Variants in PAH observed in about 807,000 individuals in gnomAD.
PAH encodes the protein phenylalanine-4-hydroxylase.
Under a neutral mutation model 62.0 loss-of-function variants are expected in PAH, and 64 were observed. That is an observed-to-expected ratio of 1.03 (90% confidence interval 0.84 to 1.27). PAH has a LOEUF of 1.27. Ranked by LOEUF, PAH falls within the 50% of genes most tolerant of loss-of-function variation. The pLI is 0.00. For missense variants in PAH, 579 were observed against 542.8 expected (o/e 1.07, Z -0.66); for synonymous variants, 195 against 196.2 (o/e 0.99, Z 0.05).
chr12:102,877,295 C>T (rs1461400088), intron 4 of PAH, 167 bp downstream of exon 4: 9 of 687,636 alleles, frequency 1.3e-5, no homozygotes, highest in Middle Eastern at 2.7e-4. Context: ...ATGATGATGA[C>T]AATAAAGTCT....
intron 1 of PAH, among the ~76,000 whole-genome samples, chr12:102,942,007 G>A (rs1275191231): frequency 2.0e-5 from 3 of 151,996 alleles, no homozygotes; most frequent in Admixed American, 6.6e-5. Flanking sequence ...CTTGAGAACT[G>A]GAACAAGACA....
chr12:102,917,337 T>G, upstream of PAH: 1 of 606,010 alleles, frequency 1.7e-6, no homozygotes, highest in African/African-American at 1.8e-5. Context: ...GCCTGCCGGA[T>G]GCTCCAGGTC....
chr12:102,910,906 G>C (rs1878177979), intron 2 of PAH, among the ~76,000 whole-genome samples: 1 of 152,122 alleles, frequency 6.6e-6, no homozygotes, highest in Non-Finnish European at 1.5e-5. Flanking sequence ...TGACCAGGAG[G>C]CATGGGCTTT....
intron 8 of PAH, among the ~76,000 whole-genome samples, chr12:102,849,344 T>G (rs1172319267): frequency 6.6e-6 from 1 of 152,204 alleles, no homozygotes; most frequent in Non-Finnish European, 1.5e-5. Flanking sequence ...GGATAGGATG[T>G]TAGAGATGTC....
intron 1 of PAH, among the ~76,000 whole-genome samples, chr12:102,947,936 G>C (rs1498698): frequency 0.015 from 2,292 of 152,222 alleles, 73 homozygotes; most frequent in African/African-American, 0.051. Flanking sequence ...TCCAAGACAG[G>C]TAGAGAGAGT....
At chr12:102,857,628 G>C (rs186386472) in intron 5 of PAH, among the ~76,000 whole-genome samples, 1 of 152,118 alleles carries the variant, frequency 6.6e-6, no homozygotes, top group Admixed American at 6.6e-5. Context: ...CTGATCTCTC[G>C]GCAGAAACTC....
At position 102,859,360 on chromosome 12, in the gene PAH, A is replaced by T. The variant is rs147129482; in HGVS notation, c.510-4028T>A. ...GCCTACCCACCAAAAAAAGTACAGG[A>T]CCAGATGGATTCATAGCCGAATTCT... On this transcript the variant is annotated intron_variant, in intron 5 of 12. Transcript: ENST00000553106. Among the ~76,000 whole-genome samples the T allele has an allele frequency of 6.1e-3, 927 of 152,320 alleles. 8 individuals are homozygous for T. Among genetic ancestry groups the T allele is most frequent in the African/African-American group, 0.021 (857 of 41,562 alleles).
At chr12:102,937,656 T>C (rs1258717184) in intron 1 of PAH, among the ~76,000 whole-genome samples, 3 of 152,218 alleles carry the variant, frequency 2.0e-5, no homozygotes, top group Non-Finnish European at 4.4e-5. Context: ...GTTATTATTT[T>C]TTATTTACTC....
chr12:102,891,629 T>C (rs374627044), intron 3 of PAH, among the ~76,000 whole-genome samples: 3 of 152,218 alleles, frequency 2.0e-5, no homozygotes, highest in South Asian at 2.1e-4. Context: ...GCAGAGGCTC[T>C]TGTGACTCCC....
chr12:102,909,949 A>G (rs1878137031), intron 2 of PAH, among the ~76,000 whole-genome samples: 1 of 152,144 alleles, frequency 6.6e-6, no homozygotes, highest in African/African-American at 2.4e-5. Flanking sequence ...ACAGAGTAAG[A>G]CTCTGTCTCA....
intron 4 of PAH, among the ~76,000 whole-genome samples, chr12:102,874,038 T>G (rs1876465277): frequency 6.6e-6 from 1 of 152,222 alleles, no homozygotes. Flanking sequence ...TCTGATACTC[T>G]GTACCCAAAG....
intron 3 of PAH, among the ~76,000 whole-genome samples, chr12:102,886,948 C>T (rs61086146): frequency 0.053 from 8,050 of 152,078 alleles, 756 homozygotes; most frequent in African/African-American, 0.18. Context: ...AAGTTGGCAA[C>T]GCTGACTCTG....
intron 1 of PAH, chr12:102,915,190 A>G (rs550394588): frequency 2.0e-5 from 3 of 152,242 alleles, no homozygotes; most frequent in Admixed American, 6.5e-5. Flanking sequence ...TTGGGTCTCA[A>G]TTCTCTTAGG....
At chr12:102,866,230 C>G (rs1001450303) in intron 5 of PAH, among the ~76,000 whole-genome samples, 3 of 152,088 alleles carry the variant, frequency 2.0e-5, no homozygotes, top group Non-Finnish European at 4.4e-5. Context: ...AAATGATTCT[C>G]TTTTTCCTTC....
At chr12:102,932,259 GCC>G (rs1208380962) in intron 1 of PAH, among the ~76,000 whole-genome samples, 1 of 152,152 alleles carries the variant, frequency 6.6e-6, no homozygotes, top group East Asian at 1.9e-4. Flanking sequence ...TTCCCACTGT[GCC>G]CTTCTTATAC....
At chr12:102,873,169 C>T (rs574207053) in intron 4 of PAH, among the ~76,000 whole-genome samples, 11 of 152,152 alleles carry the variant, frequency 7.2e-5, no homozygotes, top group Non-Finnish European at 1.5e-4. Context: ...CTGGTGCTCC[C>T]CAAGATCTGT....
chr12:102,896,600 G>A (rs1331805165), intron 2 of PAH, among the ~76,000 whole-genome samples: 2 of 152,166 alleles, frequency 1.3e-5, no homozygotes, highest in Non-Finnish European at 2.9e-5. Flanking sequence ...AGTGGAAATG[G>A]TAAGAAGATA....
rs74506788 is a variant in PAH at position 102,930,035 on chromosome 12, C to G, written c.-95-12810G>C. 6.4e-3 allele frequency among the ~76,000 whole-genome samples: 982 copies of G among 152,260 alleles called. 8 individuals carry two copies. The highest frequency in any genetic ancestry group is 0.022 in the African/African-American group (927 of 41,546). On this transcript the variant is annotated intron_variant, in intron 1 of 3. Coordinates refer to the PAH transcript ENST00000546844. ...TGTTATCTTTCTAAAAACTATTTTTCTATTTGTATTTTACATTTTGATTTA... is the reference window on the plus strand; with the variant it reads ...TGTTATCTTTCTAAAAACTATTTTTGTATTTGTATTTTACATTTTGATTTA...
intron 1 of PAH, among the ~76,000 whole-genome samples, chr12:102,944,030 A>T (rs1190034842): frequency 6.6e-6 from 1 of 152,198 alleles, no homozygotes; most frequent in African/African-American, 2.4e-5. Context: ...CTGAACCTAA[A>T]ATAAAAGTTG....
Sources: allele counts gnomAD v4.1 joint callset (sites outside exome capture counted in the v4.1 genomes callset), GRCh38; gene constraint gnomAD v4.1.1; transcripts MANE v1.5; gene names NCBI Gene and HGNC (gene_info 2026-07-23, HGNC 2026-07-21).